SOCS4: variants seen among roughly 807,000 people sequenced by gnomAD.
The protein encoded by SOCS4 is SH2 domain containing SOCS box protein.
A neutral mutation model predicts 34.1 loss-of-function variants in SOCS4; 20 were observed. The ratio of observed to expected loss-of-function variants is 0.59; its 90% CI spans 0.41 to 0.85. The LOEUF (loss-of-function observed/expected upper bound fraction) is 0.85. SOCS4 is among the 40% of genes least tolerant of loss of function. The pLI is 0.00. For synonymous variants in SOCS4, 180 were observed against 186.4 expected, an observed-to-expected ratio of 0.97 and a Z score of 0.28; for missense variants, 479 against 532.4, an observed-to-expected ratio of 0.90 and a Z score of 0.99.
At chr14:55,028,205 A>G (rs558937418) in intron 1 of SOCS4, among the ~76,000 whole-genome samples, 8 of 151,988 alleles carry the variant, frequency 5.3e-5, no homozygotes, top group Admixed American at 3.9e-4. Context: ...ACACAGGCAA[A>G]CCGTCGTGTT....
intron 2 of SOCS4, among the ~76,000 whole-genome samples, chr14:55,037,863 A>G (rs1277783920): frequency 6.6e-6 from 1 of 152,166 alleles, no homozygotes; most frequent in Non-Finnish European, 1.5e-5. Context: ...AAGTAAGTCA[A>G]TTTTAGTTTC....
intron 1 of SOCS4, among the ~76,000 whole-genome samples, chr14:55,031,605 T>C (rs2042529529): frequency 6.6e-6 from 1 of 152,068 alleles, no homozygotes; most frequent in African/African-American, 2.4e-5. Context: ...AAGCAAACTA[T>C]AATTAGGAAA....
At chr14:55,035,419 C>T (rs947062421) in intron 2 of SOCS4, among the ~76,000 whole-genome samples, 1 of 152,160 alleles carries the variant, frequency 6.6e-6, no homozygotes, top group Non-Finnish European at 1.5e-5. Context: ...CTATGAGTTT[C>T]ACCTGTATCT....
Position 55,040,955 on chromosome 14 carries a change from G to A in SOCS4, c.-90-1997G>A, listed in dbSNP as rs934444537. ...CACTCAGACTGGAGTGCAGTGACAC[G>A]ATCATGGCTCACTGCAACCTCTGCC... On this transcript the variant is annotated intron_variant, in intron 2 of 2. Transcript: ENST00000555846. Among the ~76,000 whole-genome samples the A allele has an allele frequency of 4.7e-5, 7 of 149,238 alleles. No homozygotes were observed. The South Asian group carries it at 6.4e-4, about 14-fold the overall frequency.
intron 2 of SOCS4, among the ~76,000 whole-genome samples, chr14:55,035,772 G>T (rs1251108137): frequency 3.3e-5 from 5 of 152,002 alleles, no homozygotes; most frequent in Non-Finnish European, 5.9e-5. Flanking sequence ...CATTTTACAT[G>T]TGAATGCACT....
chr14:55,039,628 G>T (rs866615832), intron 2 of SOCS4, among the ~76,000 whole-genome samples: 6 of 152,194 alleles, frequency 3.9e-5, no homozygotes, highest in Non-Finnish European at 8.8e-5. Flanking sequence ...GCGCGATGGC[G>T]CATGCCTGTA....
chr14:55,033,908 G>A (rs1169928540), intron 2 of SOCS4, among the ~76,000 whole-genome samples: 3 of 152,210 alleles, frequency 2.0e-5, no homozygotes, highest in Non-Finnish European at 4.4e-5. Flanking sequence ...CGAGGTGGGT[G>A]GATCATTTGA....
chr14:55,047,235 G>C lies in SOCS4; in HGVS notation c.*2871G>C, dbSNP rs2042684932. ...AAAAGAAACTACTTAATCGCTAATA[G>C]CTAGTCTGGACCAGACACTTAACTG... On this transcript the variant is annotated 3_prime_UTR_variant, in exon 3 of 3. Coordinates refer to ENST00000555846, the MANE Select transcript of SOCS4 (RefSeq NM_199421.2). 6.0e-6 allele frequency: 1 copy of C among 167,074 alleles called. No individual in the cohort carries two copies. Among genetic ancestry groups the C allele is most frequent in the African/African-American group, 2.4e-5 (1 of 41,454 alleles). The allele number at this position is 167,074 out of a possible 1,614,324, so 10.3% of individuals were successfully genotyped here.
Position 55,045,681 on chromosome 14 carries a change from T to G in SOCS4, c.*1317T>G, listed in dbSNP as rs2042669250. On this transcript the variant is annotated 3_prime_UTR_variant, in exon 3 of 3. Coordinates refer to ENST00000555846, the MANE Select transcript of SOCS4 (RefSeq NM_199421.2). ...AAAATAAATGGAGTGGTATCCTATC[T>G]TCTTTTTTTAAGGAATCAATGAATA... 1 of 166,938 alleles carries G rather than the reference T, an allele frequency of 6.0e-6. No homozygotes were observed. The highest frequency in any genetic ancestry group is 2.4e-5 in the African/African-American group (1 of 41,454). 10.3% of individuals were successfully genotyped at this position (166,938 alleles called of 1,614,324 possible).
At chr14:55,042,764 T>A (rs1339314366) in intron 2 of SOCS4, among the ~76,000 whole-genome samples, 188 bp from the exon 3 acceptor site, 4 of 152,232 alleles carry the variant, frequency 2.6e-5, no homozygotes, top group Non-Finnish European at 4.4e-5. Flanking sequence ...CACTATTAAG[T>A]TATCATGTAT....
chr14:55,037,426 C>T (rs1205155811), intron 2 of SOCS4, among the ~76,000 whole-genome samples: 13 of 150,120 alleles, frequency 8.7e-5, no homozygotes, highest in Non-Finnish European at 1.3e-4. Context: ...CGTGAGCCAC[C>T]GTGCCTGGCC....
Position 55,048,024 on chromosome 14 carries a change from C to G in SOCS4, c.*3660C>G, listed in dbSNP as rs2042692343. ...GCAACCTCTGCCTTCCAGGTTCCAG[C>G]AATTCTCCTACCTCAGCTCCCAAGT... On this transcript the variant is annotated 3_prime_UTR_variant, in exon 3 of 3. Transcript: ENST00000555846. The G allele has an allele frequency of 6.1e-6, 1 of 164,298 alleles. No individual in the cohort carries two copies. Among genetic ancestry groups the G allele is most frequent in the Admixed American group, 6.5e-5 (1 of 15,282 alleles). 10.2% of individuals were successfully genotyped at this position (164,298 alleles called of 1,614,324 possible).
In SOCS4 at chr14:55,048,588, T is replaced by TACTA. The variant is rs1252245091; in HGVS notation, c.*4225_*4228dup. 6.0e-6 allele frequency: 1 copy of TACTA among 167,082 alleles called. No homozygotes were observed. Among genetic ancestry groups the TACTA allele is most frequent in the African/African-American group, 2.4e-5 (1 of 41,462 alleles). 10.3% of individuals were successfully genotyped at this position (167,082 alleles called of 1,614,324 possible). A position where few individuals can be genotyped will look rare whatever the true frequency, so the allele number is the denominator to read the frequency against. On this transcript the variant is annotated 3_prime_UTR_variant, in exon 3 of 3. Transcript: ENST00000555846. ...AATGAGCAGTGCAAGAGTCTACCTG[T>TACTA]ACTATTCTAATACAGTAAGATATTG...
chr14:55,044,415 T>A lies in SOCS4; in HGVS notation c.*51T>A. On this transcript the variant is annotated 3_prime_UTR_variant, in exon 3 of 3. Coordinates refer to ENST00000555846, the MANE Select transcript of SOCS4 (RefSeq NM_199421.2). ...TAATATATATTTTTTCTTTTAATAT[T>A]TTATTTTTCTTTTTATGCCACTTTG... 8.0e-7 allele frequency: 1 copy of A among 1,250,552 alleles called. No individual in the cohort carries two copies. Among genetic ancestry groups the A allele is most frequent in the Non-Finnish European group, 1.0e-6 (1 of 975,800 alleles). 77.5% of individuals were successfully genotyped at this position (1,250,552 alleles called of 1,614,324 possible). A position where few individuals can be genotyped will look rare whatever the true frequency, so the allele number is the denominator to read the frequency against.
intron 2 of SOCS4, among the ~76,000 whole-genome samples, chr14:55,042,671 T>C (rs1330333246): frequency 1.3e-5 from 2 of 152,220 alleles, no homozygotes; most frequent in Non-Finnish European, 2.9e-5. Flanking sequence ...GAGTATTTAT[T>C]ATGGTTGATA....
intron 2 of SOCS4, among the ~76,000 whole-genome samples, chr14:55,041,623 C>T (rs1594614386): frequency 6.6e-6 from 1 of 151,022 alleles, no homozygotes; most frequent in African/African-American, 2.4e-5. Flanking sequence ...TACAGGCACC[C>T]GTCACTGTGC....
In SOCS4 at chr14:55,045,306, G is replaced by A. The variant is rs2042664970; in HGVS notation, c.*942G>A. The A allele has an allele frequency of 6.0e-6, 1 of 166,792 alleles. No individual in the cohort carries two copies. The highest frequency in any genetic ancestry group is 1.5e-5 in the Non-Finnish European group (1 of 68,000). 10.3% of individuals were successfully genotyped at this position (166,792 alleles called of 1,614,324 possible). On this transcript the variant is annotated 3_prime_UTR_variant, in exon 3 of 3. Transcript: ENST00000555846. ...TAGAAACTCTGAGCTGTTACTTTGG[G>A]GAAATTCCACAATGTATTAGCAGCC...
rs1307602740 is a variant in SOCS4 at position 55,046,352 on chromosome 14, A to T, written c.*1988A>T. On this transcript the variant is annotated 3_prime_UTR_variant, in exon 3 of 3. Transcript: ENST00000555846. ...GATTATAGTTTTTTATCAGAATTTGATAAGATTTTCTGTTTCTGTGAAACA... is the reference window on the plus strand; with the variant it reads ...GATTATAGTTTTTTATCAGAATTTGTTAAGATTTTCTGTTTCTGTGAAACA... The T allele has an allele frequency of 6.0e-6, 1 of 166,900 alleles. No individual in the cohort carries two copies. Among genetic ancestry groups the T allele is most frequent in the African/African-American group, 2.4e-5 (1 of 41,462 alleles). 10.3% of individuals were successfully genotyped at this position (166,900 alleles called of 1,614,324 possible).
chr14:55,041,781 A>ATTTTTTTTTTTT (rs2042620490), intron 2 of SOCS4, among the ~76,000 whole-genome samples: 1 of 72,874 alleles, frequency 1.4e-5, no homozygotes, highest in African/African-American at 5.9e-5. Context: ...CCAACCCTTA[A>ATTTTTTTTTTTT]TCTTTTTTTT....
Sources: allele counts gnomAD v4.1 joint callset (sites outside exome capture counted in the v4.1 genomes callset), GRCh38; gene constraint gnomAD v4.1.1; transcripts MANE v1.5; gene names NCBI Gene and HGNC (gene_info 2026-07-23, HGNC 2026-07-21).